LRMDA: variants seen among roughly 807,000 people sequenced by gnomAD.
LRMDA encodes the protein leucine-rich melanocyte differentiation-associated protein.
A neutral mutation model predicts 29.8 loss-of-function variants in LRMDA; 18 were observed. The observed-to-expected ratio is 0.60, with a 90% confidence interval of 0.42 to 0.90. The LOEUF (loss-of-function observed/expected upper bound fraction) is 0.90. Among genes scored for constraint, LRMDA ranks in the 40% least tolerant of loss-of-function variants. The pLI, the probability that LRMDA is intolerant of heterozygous loss-of-function variation, is 0.00. For synonymous variants in LRMDA, 125 were observed against 109.4 expected, an observed-to-expected ratio of 1.14 and a Z score of -0.89; for missense variants, 273 against 273.9, an observed-to-expected ratio of 1.00 and a Z score of 0.02.
intron 5 of LRMDA, among the ~76,000 whole-genome samples, chr10:76,213,603 T>A (rs1851673833): frequency 1.3e-5 from 2 of 152,234 alleles, no homozygotes; most frequent in South Asian, 4.1e-4. Flanking sequence ...GGAAAGATAA[T>A]GTCCCTTCAA....
At chr10:76,154,433 C>T (rs1850501857) in intron 5 of LRMDA, among the ~76,000 whole-genome samples, 1 of 152,162 alleles carries the variant, frequency 6.6e-6, no homozygotes, top group Non-Finnish European at 1.5e-5. Flanking sequence ...ACCTCTATGT[C>T]TTTTTGAAAA....
At chr10:75,739,432 AT>A (rs1842803923) in intron 2 of LRMDA, among the ~76,000 whole-genome samples, 2 of 152,202 alleles carry the variant, frequency 1.3e-5, no homozygotes, top group African/African-American at 4.8e-5. Flanking sequence ...CTACATGAAA[AT>A]TAATTTTCTG....
At chr10:76,152,998 G>A (rs985358073) in intron 5 of LRMDA, among the ~76,000 whole-genome samples, 30 of 151,932 alleles carry the variant, frequency 2.0e-4, no homozygotes, top group African/African-American at 3.1e-4. Flanking sequence ...CCGCCACCAC[G>A]TCCAGCTAAT....
intron 2 of LRMDA, among the ~76,000 whole-genome samples, chr10:75,723,471 C>G (rs901935897): frequency 6.6e-6 from 1 of 152,150 alleles, no homozygotes; most frequent in African/African-American, 2.4e-5. Context: ...TGTCACAGTC[C>G]CAAACACTAT....
At chr10:75,522,932 C>T (rs1845376985) in intron 2 of LRMDA, among the ~76,000 whole-genome samples, 1 of 152,198 alleles carries the variant, frequency 6.6e-6, no homozygotes, top group Admixed American at 6.5e-5. Flanking sequence ...TGGCTCTGAG[C>T]TGAGCCTGAG....
intron 2 of LRMDA, among the ~76,000 whole-genome samples, chr10:75,806,767 A>G (rs1843860211): frequency 6.8e-6 from 1 of 147,168 alleles, no homozygotes; most frequent in Non-Finnish European, 1.5e-5. Flanking sequence ...TAGGACCCCC[A>G]TGTCTTAACC....
Position 76,241,785 on chromosome 10 carries a change from G to A in LRMDA, c.517-82616G>A, listed in dbSNP as rs148259287. Among the ~76,000 whole-genome samples the A allele has an allele frequency of 1.9e-3, 282 of 152,272 alleles. 1 individual carries two copies. The highest frequency in any genetic ancestry group is 3.4e-3 in the Middle Eastern group (1 of 294). On this transcript the variant is annotated intron_variant, in intron 5 of 6. Coordinates refer to ENST00000611255, the MANE Select transcript of LRMDA (RefSeq NM_001305581.2). ...ACAATGTGGGGTCCTGGAGACTGAA[G>A]GGTATGCCTGTAGTACAGAGAGGGT... is the stretch of plus-strand genomic sequence containing the variant.
intron 2 of LRMDA, among the ~76,000 whole-genome samples, chr10:75,794,178 A>C (rs1454673079): frequency 6.6e-6 from 1 of 152,254 alleles, no homozygotes; most frequent in Non-Finnish European, 1.5e-5. Flanking sequence ...AAATACAGGT[A>C]AAATTTACAT....
chr10:75,615,872 A>G (rs1841091847), intron 2 of LRMDA, among the ~76,000 whole-genome samples: 2 of 152,162 alleles, frequency 1.3e-5, no homozygotes, highest in Admixed American at 1.3e-4. Flanking sequence ...TGTCACAGGA[A>G]ATGATTTTAG....
intron 6 of LRMDA, among the ~76,000 whole-genome samples, chr10:76,541,184 G>A (rs915485681): frequency 6.6e-6 from 1 of 152,128 alleles, no homozygotes; most frequent in South Asian, 2.1e-4. Flanking sequence ...ACTCTGCTAG[G>A]AGGCAACCTC....
At chr10:76,422,916 G>A (rs1267950241) in intron 6 of LRMDA, among the ~76,000 whole-genome samples, 1 of 152,164 alleles carries the variant, frequency 6.6e-6, no homozygotes, top group African/African-American at 2.4e-5. Flanking sequence ...TTGCATTCCT[G>A]AATCTCTGCA....
chr10:75,979,583 G>T (rs538477201), intron 2 of LRMDA, among the ~76,000 whole-genome samples: 1 of 152,200 alleles, frequency 6.6e-6, no homozygotes, highest in South Asian at 2.1e-4. Context: ...CCAACATCCC[G>T]TGGGGACCAG....
intron 5 of LRMDA, among the ~76,000 whole-genome samples, chr10:76,188,699 A>G (rs1851190665): frequency 6.6e-6 from 1 of 152,190 alleles, no homozygotes; most frequent in Non-Finnish European, 1.5e-5. Flanking sequence ...GTTGTCTTCA[A>G]GCTCCTCTAG....
chr10:76,277,102 C>T (rs1360378152), intron 5 of LRMDA, among the ~76,000 whole-genome samples: 1 of 152,152 alleles, frequency 6.6e-6, no homozygotes, highest in Non-Finnish European at 1.5e-5. Flanking sequence ...CTGGGATTCC[C>T]TCCACACCTT....
intron 2 of LRMDA, among the ~76,000 whole-genome samples, chr10:75,949,872 A>T (rs1214739837): frequency 6.6e-6 from 1 of 152,058 alleles, no homozygotes; most frequent in Admixed American, 6.5e-5. Flanking sequence ...TTGCCCCAAG[A>T]TGTTGCGAAG....
chr10:75,639,945 A>G (rs868274131), intron 2 of LRMDA, among the ~76,000 whole-genome samples: 11 of 152,342 alleles, frequency 7.2e-5, no homozygotes, highest in South Asian at 4.1e-4. Flanking sequence ...ATCCTTCATC[A>G]CCAAGGGAGC....
intron 2 of LRMDA, among the ~76,000 whole-genome samples, chr10:76,009,565 T>C (rs1847737160): frequency 6.6e-6 from 1 of 152,174 alleles, no homozygotes; most frequent in South Asian, 2.1e-4. Context: ...TCTAGGTAGA[T>C]TCGACAGAGC....
At chr10:75,436,074 AGAGAG>A (rs1192736976) in intron 1 of LRMDA, among the ~76,000 whole-genome samples, 2 of 92,218 alleles carry the variant, frequency 2.2e-5, no homozygotes, top group Non-Finnish European at 6.7e-5. Flanking sequence ...AAAAAAAAAA[AGAGAG>A]AGAGAAATCT....
intron 6 of LRMDA, among the ~76,000 whole-genome samples, chr10:76,503,903 C>T (rs1220006276): frequency 2.0e-5 from 3 of 148,400 alleles, no homozygotes; most frequent in Non-Finnish European, 3.0e-5. Context: ...TTAAGTTCCT[C>T]TAAGTATGGT....
Sources: allele counts gnomAD v4.1 joint callset (sites outside exome capture counted in the v4.1 genomes callset), GRCh38; gene constraint gnomAD v4.1.1; transcripts MANE v1.5; gene names NCBI Gene and HGNC (gene_info 2026-07-23, HGNC 2026-07-21).